The following FBXL7 variants were observed in gnomAD, a reference collection of about 807,000 sequenced individuals.
FBXL7 encodes the protein F-box and leucine rich repeat protein 7, also known as F-box/LRR-repeat protein 7.
FBXL7 carries 12 observed loss-of-function variants against 38.3 expected under a neutral mutation model. That is an observed-to-expected ratio of 0.31 (90% CI 0.20 to 0.51). FBXL7 has a LOEUF of 0.51. FBXL7 is among the 20% of genes least tolerant of loss of function. FBXL7 has a pLI of 0.98. For missense variants in FBXL7, 567 were observed against 676.4 expected (o/e 0.84, Z 1.79); for synonymous variants, 297 against 300.9 (o/e 0.99, Z 0.13).
chr5:15,767,436 C>T (rs989306069), intron 2 of FBXL7, among the ~76,000 whole-genome samples: 14 of 152,122 alleles, frequency 9.2e-5, no homozygotes, highest in Non-Finnish European at 1.9e-4. Context: ...ATAGTCTTTG[C>T]GGTGTGAGGA....
intron 1 of FBXL7, among the ~76,000 whole-genome samples, chr5:15,533,303 A>T (rs951570441): frequency 2.6e-5 from 4 of 152,030 alleles, no homozygotes; most frequent in Non-Finnish European, 5.9e-5. Context: ...AAACTGATTG[A>T]CTCGTGGGGA....
At chr5:15,618,464 G>A (rs1240598379) in intron 2 of FBXL7, among the ~76,000 whole-genome samples, 1 of 152,144 alleles carries the variant, frequency 6.6e-6, no homozygotes, top group Non-Finnish European at 1.5e-5. Context: ...TAGAATAGGT[G>A]TGGGCACATG....
At chr5:15,642,715 G>A (rs1025119059) in intron 2 of FBXL7, among the ~76,000 whole-genome samples, 4 of 152,158 alleles carry the variant, frequency 2.6e-5, no homozygotes, top group African/African-American at 9.7e-5. Flanking sequence ...GACAGACCTA[G>A]ATAGGCCAAC....
At chr5:15,699,271 C>G (rs1170457424) in intron 2 of FBXL7, among the ~76,000 whole-genome samples, 1 of 152,166 alleles carries the variant, frequency 6.6e-6, no homozygotes, top group Admixed American at 6.5e-5. Flanking sequence ...TCTCACAGTT[C>G]TGGAGGCTAG....
chr5:15,528,126 C>T (rs926302891), intron 1 of FBXL7, among the ~76,000 whole-genome samples: 1 of 152,168 alleles, frequency 6.6e-6, no homozygotes, highest in African/African-American at 2.4e-5. Flanking sequence ...CCTGTATCCT[C>T]TTTCTGGTTT....
chr5:15,672,923 A>C (rs1039594274), intron 2 of FBXL7, among the ~76,000 whole-genome samples: 5 of 152,132 alleles, frequency 3.3e-5, no homozygotes, highest in Non-Finnish European at 7.3e-5. Context: ...CTTTTGCAAA[A>C]TGTATTTGGG....
At chr5:15,574,110 C>T in intron 1 of FBXL7, among the ~76,000 whole-genome samples, 1 of 152,150 alleles carries the variant, frequency 6.6e-6, no homozygotes, top group African/African-American at 2.4e-5. Flanking sequence ...ATTATTAATT[C>T]AAAGCCATTA....
chr5:15,510,922 A>G (rs1000432883), intron 1 of FBXL7, among the ~76,000 whole-genome samples: 1 of 152,168 alleles, frequency 6.6e-6, no homozygotes. Flanking sequence ...AGAAGCTTAG[A>G]TGCCAACTCC....
intron 2 of FBXL7, among the ~76,000 whole-genome samples, chr5:15,888,604 TTAAACCATGTG>T (rs948955421): frequency 2.2e-4 from 33 of 152,114 alleles, no homozygotes; most frequent in African/African-American, 7.7e-4. Context: ...AAGTGATTTT[TTAAACCATGTG>T]AGTACTTCAG....
chr5:15,633,454 T>C (rs765927615), intron 2 of FBXL7, among the ~76,000 whole-genome samples: 2 of 152,088 alleles, frequency 1.3e-5, no homozygotes, highest in African/African-American at 2.4e-5. Flanking sequence ...GCTTTCATTC[T>C]AAAAAAATAA....
intron 2 of FBXL7, among the ~76,000 whole-genome samples, chr5:15,921,665 A>AT (rs1741745077): frequency 6.6e-6 from 1 of 152,202 alleles, no homozygotes; most frequent in Non-Finnish European, 1.5e-5. Flanking sequence ...ATATAATCCA[A>AT]TTTTAAAAAT....
intron 2 of FBXL7, among the ~76,000 whole-genome samples, chr5:15,827,565 A>G (rs557181903): frequency 3.3e-5 from 5 of 152,264 alleles, no homozygotes; most frequent in African/African-American, 9.6e-5. Context: ...CCTTCTTGAT[A>G]TGTCATCATA....
At chr5:15,586,558 T>C (rs1415584592) in intron 1 of FBXL7, among the ~76,000 whole-genome samples, 1 of 152,078 alleles carries the variant, frequency 6.6e-6, no homozygotes, top group Non-Finnish European at 1.5e-5. Context: ...AGAAACCTCT[T>C]ATTACTACCC....
chr5:15,717,343 C>A (rs1365131392), intron 2 of FBXL7, among the ~76,000 whole-genome samples: 5 of 152,186 alleles, frequency 3.3e-5, no homozygotes, highest in Non-Finnish European at 7.3e-5. Context: ...ATACTTCCAG[C>A]AACCATGCAG....
chr5:15,847,072 A>T (rs1738928312), intron 2 of FBXL7, among the ~76,000 whole-genome samples: 1 of 152,184 alleles, frequency 6.6e-6, no homozygotes, highest in South Asian at 2.1e-4. Context: ...ACAATTTAGC[A>T]TACTGATCCA....
At chr5:15,503,291 C>T (rs1190352696) in intron 1 of FBXL7, among the ~76,000 whole-genome samples, 1 of 152,260 alleles carries the variant, frequency 6.6e-6, no homozygotes, top group South Asian at 2.1e-4. Flanking sequence ...CGTGGTGGCG[C>T]ATGCCTGTAA....
At chr5:15,541,441 GTGTATATATATATATATATATATA>G (rs1235099242) in intron 1 of FBXL7, among the ~76,000 whole-genome samples, 2 of 53,370 alleles carry the variant, frequency 3.7e-5, no homozygotes, top group African/African-American at 1.3e-4. Flanking sequence ...ATGTGTGTGT[GTGTATATATATATATATATATATA>G]TATATATATA....
chr5:15,567,757 C>T (rs1738632934), intron 1 of FBXL7, among the ~76,000 whole-genome samples: 1 of 151,900 alleles, frequency 6.6e-6, no homozygotes, highest in South Asian at 2.1e-4. Flanking sequence ...TCACCCCACC[C>T]CACAACAGGC....
chr5:15,586,403 C>T lies in FBXL7; in HGVS notation c.38-29580C>T, dbSNP rs181717126. Among the ~76,000 whole-genome samples, 305 of 151,218 alleles carry T rather than the reference C, an allele frequency of 2.0e-3. 1 individual carries two copies. Among genetic ancestry groups the T allele is most frequent in the African/African-American group, 6.4e-3 (264 of 41,176 alleles). The stretch of plus-strand genomic sequence containing the variant: ...AATCTCTTTCTCAATATCTCTTGCC[C>T]CCTCCTTTTCTTTCCCAAAGCACAA... On this transcript the variant is annotated intron_variant, in intron 1 of 3. Transcript: ENST00000504595.
Sources: gnomAD v4.1 joint callset for allele counts (sites outside exome capture counted in the v4.1 genomes callset) on GRCh38, gnomAD v4.1.1 for gene constraint, MANE v1.5 for transcripts, NCBI Gene and HGNC (gene_info 2026-07-23, HGNC 2026-07-21) for gene names.